WDR91: variants seen among roughly 807,000 people sequenced by gnomAD.
WDR91 encodes the protein WD repeat-containing protein 91.
In WDR91, 52 loss-of-function variants were observed where a neutral mutation model predicts 88.4. That is an observed-to-expected ratio of 0.59 (90% confidence interval 0.47 to 0.74). WDR91 has a LOEUF of 0.74. Ranked by LOEUF, WDR91 falls within the 30% of genes least tolerant of loss-of-function variation. The pLI is 0.00. For synonymous variants in WDR91, 362 were observed against 389.5 expected (o/e 0.93, Z 0.83); for missense variants, 824 against 954.5 (o/e 0.86, Z 1.80).
At chr7:135,207,069 C>T in intron 4 of WDR91, 51 bp downstream of exon 4, 1 of 1,519,700 alleles carries the variant, frequency 6.6e-7, no homozygotes, top group Non-Finnish European at 9.0e-7. Flanking sequence ...CCTAATTTCA[C>T]ACACAAAAAG....
At position 135,207,496 on chromosome 7, in the gene WDR91, AG is replaced by A; in HGVS notation, c.512-295del. 4 of 426,264 alleles carry A rather than the reference AG, an allele frequency of 9.4e-6. 1 individual carries two copies. Among genetic ancestry groups the A allele is most frequent in the South Asian group, 6.8e-5 (4 of 59,080 alleles). 26.4% of individuals were successfully genotyped at this position (426,264 alleles called of 1,614,324 possible). A position where few individuals can be genotyped will look rare whatever the true frequency, so the allele number is the denominator to read the frequency against. ...ACCTAAGCATTTTCTCTCAAATACC[AG>A]AAGCAAAGAGCTAGCATCCAGTGGA... On this transcript the variant is annotated intron_variant, in intron 3 of 14. Transcript: ENST00000354475.
chr7:135,189,250 T>A (rs1831072063), intron 12 of WDR91, 94 bp downstream of exon 12: 1 of 1,091,834 alleles, frequency 9.2e-7, no homozygotes, highest in Admixed American at 2.0e-5. Context: ...TGCAAAAGCC[T>A]CTAGCCCAGC....
chr7:135,190,191 G>A (rs1831109991), intron 11 of WDR91, among the ~76,000 whole-genome samples: 2 of 152,154 alleles, frequency 1.3e-5, no homozygotes, highest in Non-Finnish European at 2.9e-5. Context: ...GAGCTCAGGA[G>A]CCTGGAGACA....
rs1830861482 is a variant in WDR91 at position 135,184,395 on chromosome 7, T to A, written c.*1756A>T. 6.6e-6 allele frequency: 1 copy of A among 152,164 alleles called. No homozygotes were observed. Among genetic ancestry groups the A allele is most frequent in the Non-Finnish European group, 1.5e-5 (1 of 68,024 alleles). The allele number at this position is 152,164 out of a possible 1,614,324, so 9.4% of individuals were successfully genotyped here. A position where few individuals can be genotyped will look rare whatever the true frequency, so the allele number is the denominator to read the frequency against. Reference sequence around the variant, plus strand: ...TGGGCTGGAGCTCAGAGACTTAAAATGACTCATGGCAGCTGCCTTCCCCAG... The same window carrying A: ...TGGGCTGGAGCTCAGAGACTTAAAAAGACTCATGGCAGCTGCCTTCCCCAG... On this transcript the variant is annotated 3_prime_UTR_variant, in exon 15 of 15. Transcript: ENST00000354475.
rs112235885 is a variant in WDR91, at chr7:135,187,066, T to C, written c.1985A>G (p.Lys662Arg). ...PFVLSGYSGYKQVQVPRGRLF... is the reference protein window; with the variant it reads ...PFVLSGYSGYRQVQVPRGRLF... ...TCGGCCCCTGGGGACTTGAACCTGC[T>C]TGTAGCCGCTGTATCCAGACAGCAC... Residue 662 changes from lysine (K) to arginine (R), a missense_variant, in exon 14 of 15, where the codon AAG becomes AGG. Coordinates refer to ENST00000354475, the MANE Select transcript of WDR91 (RefSeq NM_014149.4). 1 of 1,614,264 alleles carries C rather than the reference T, an allele frequency of 6.2e-7. No homozygotes were observed. The highest frequency in any genetic ancestry group is 8.5e-7 in the Non-Finnish European group (1 of 1,180,050).
chr7:135,205,981 T>C lies in WDR91; in HGVS notation c.672A>G (p.Gln224=), dbSNP rs751982817. The C allele has an allele frequency of 6.6e-5, 106 of 1,614,068 alleles. No homozygotes were observed. Among genetic ancestry groups the C allele is most frequent in the Non-Finnish European group, 8.7e-5 (103 of 1,180,046 alleles). The part of the protein sequence containing the change: ...QQPEEEEALV[Q]HKLPPYVSNM... ...TGGAGACATAAGGAGGCAATTTGTG[T>C]TGGACCAAGGCCTCTTCCTCTTCTG... Residue 224 remains glutamine, a synonymous_variant, in exon 5 of 15, where the codon CAA becomes CAG. Transcript: ENST00000354475.
intron 3 of WDR91, among the ~76,000 whole-genome samples, chr7:135,208,590 C>T (rs1831893120): frequency 6.6e-6 from 1 of 152,192 alleles, no homozygotes; most frequent in Non-Finnish European, 1.5e-5. Flanking sequence ...TTCAGCAGCA[C>T]AGTGTCAGAA....
Position 135,189,424 on chromosome 7 carries a change from A to G in WDR91, c.1688T>C (p.Ile563Thr). The change falls in exon 12 of 15, where the codon ATT (isoleucine) becomes ACT (threonine). Residue 563 changes from isoleucine (I) to threonine (T), a missense_variant. Physicochemically the swap from Ile to Thr is moderately conservative, Grantham distance 89. Coordinates refer to ENST00000354475, the MANE Select transcript of WDR91 (RefSeq NM_014149.4). Reference protein sequence around the residue: ...QLQFSLDPEPIAINCTAFNHN... With the variant: ...QLQFSLDPEPTAINCTAFNHN... ...ATTGAAGGCTGTACAGTTGATAGCA[A>G]TGGGTTCTGGATCCAGGGAGAACTG... 2 of 1,613,948 alleles carry G rather than the reference A, an allele frequency of 1.2e-6. No homozygotes were observed. The highest frequency in any genetic ancestry group is 1.1e-5 in the South Asian group (1 of 91,060).
intron 6 of WDR91, chr7:135,199,231 A>G (rs986244590): frequency 6.6e-6 from 1 of 152,222 alleles, no homozygotes; most frequent in Non-Finnish European, 1.5e-5. Context: ...AGAAAATTTT[A>G]AAGGACTATT....
At position 135,193,250 on chromosome 7, in the gene WDR91, G is replaced by A. The variant is rs139497978; in HGVS notation, c.1640C>T (p.Thr547Met). Residue 547 changes from threonine (T) to methionine (M), a missense_variant, in exon 11 of 15, where the codon ACG (threonine) becomes ATG (methionine). By Grantham distance (81) the Thr-to-Met change is moderately conservative (BLOSUM62 -1). Coordinates refer to ENST00000354475, the MANE Select transcript of WDR91 (RefSeq NM_014149.4). ...QVPGRLLLWD[T>M]KTMKQQLQFS... is the part of the protein sequence containing the mutation. ...CCGTACCTGCTGCTTCATGGTTTTC[G>A]TGTCCCACAGCAGCAGCCTGCCAGG... 9.0e-5 allele frequency: 145 copies of A among 1,613,924 alleles called. No individual in the cohort carries two copies. Among genetic ancestry groups the A allele is most frequent in the Non-Finnish European group, 1.1e-4 (129 of 1,180,046 alleles).
chr7:135,189,393 G>A lies in WDR91; in HGVS notation c.1719C>T (p.Asn573=), dbSNP rs766081181. Residue 573 remains asparagine (N), a synonymous_variant, in exon 12 of 15, where the codon AAC becomes AAT. Coordinates refer to ENST00000354475, the MANE Select transcript of WDR91 (RefSeq NM_014149.4). The part of the protein sequence containing the change: ...IAINCTAFNH[N]GNLLVTGAAD... ...CTGCCCCTGTGACCAGCAGGTTCCC[G>A]TTGTGATTGAAGGCTGTACAGTTGA... 6.2e-6 allele frequency: 10 copies of A among 1,613,878 alleles called. No individual in the cohort carries two copies. The highest frequency in any genetic ancestry group is 4.5e-5 in the East Asian group (2 of 44,902).
At position 135,196,259 on chromosome 7, in the gene WDR91, G is replaced by A. The variant is rs1414973502; in HGVS notation, c.1129C>T (p.Leu377=). ...GGGCCTGCCGAGGATGCCCGAGTCA[G>A]TGGCTCCACTGGCTCCGTGTGGAGC... The part of the protein sequence containing the change: ...PELHTEPVEP[L]TRASSAGPEG... Residue 377 remains leucine, a synonymous_variant, in exon 8 of 15, where the codon CTG becomes TTG. Transcript: ENST00000354475. This position sits in a 1 kb window ranked among gnomAD's most constrained non-coding sequence, Gnocchi z 4.2. 9 of 1,611,938 alleles carry A rather than the reference G, an allele frequency of 5.6e-6. No individual in the cohort carries two copies. Among genetic ancestry groups the A allele is most frequent in the African/African-American group, 1.3e-5 (1 of 74,752 alleles).
Position 135,196,494 on chromosome 7 carries a change from G to C in WDR91, c.1051-157C>G, listed in dbSNP as rs1831379847. Reference sequence around the variant, plus strand: ...CTCTGACCTGCGAGGGTAGTGCTCAGCTCACCCTGGGAGAGTGCAGGGCCT... The same window carrying C: ...CTCTGACCTGCGAGGGTAGTGCTCACCTCACCCTGGGAGAGTGCAGGGCCT... On this transcript the variant is annotated intron_variant, in intron 7 of 14. Coordinates refer to ENST00000354475, the MANE Select transcript of WDR91 (RefSeq NM_014149.4). This position sits in a 1 kb window ranked among gnomAD's most constrained non-coding sequence, Gnocchi z 4.2. Among the ~76,000 whole-genome samples, 1 of 152,138 alleles carries C rather than the reference G, an allele frequency of 6.6e-6. No individual in the cohort carries two copies. The highest frequency in any genetic ancestry group is 2.4e-5 in the African/African-American group (1 of 41,436).
At position 135,207,208 on chromosome 7, in the gene WDR91, C is replaced by A. The variant is rs754672994; in HGVS notation, c.512-6G>T. On this transcript the variant is annotated splice_region_variant and splice_polypyrimidine_tract_variant and intron_variant, in intron 3 of 14. Transcript: ENST00000354475. Reference sequence around the variant, plus strand: ...GTTCAGGATCACAGGGACTGGTGCACGAAGTTAAAGAATAAGCCAGCCCCT... The same window carrying A: ...GTTCAGGATCACAGGGACTGGTGCAAGAAGTTAAAGAATAAGCCAGCCCCT... 1 of 1,602,626 alleles carries A rather than the reference C, an allele frequency of 6.2e-7. No individual in the cohort carries two copies.
chr7:135,210,607 G>A (rs1283982535), intron 1 of WDR91, among the ~76,000 whole-genome samples: 1 of 152,184 alleles, frequency 6.6e-6, no homozygotes, highest in African/African-American at 2.4e-5. Context: ...TCTGGAAAAG[G>A]GTTTGGATAT....
intron 6 of WDR91, chr7:135,200,037 C>T (rs1184297949): frequency 1.3e-5 from 2 of 152,248 alleles, no homozygotes; most frequent in Admixed American, 1.3e-4. Flanking sequence ...TACGCCAAGA[C>T]AGTGATGGAC....
intron 8 of WDR91, 151 bp from the exon 9 acceptor site, chr7:135,195,235 T>G: frequency 1.2e-6 from 1 of 804,656 alleles, no homozygotes; most frequent in Non-Finnish European, 1.9e-6. Context: ...ATAGACTATT[T>G]CTAGAAATAT....
At chr7:135,186,569 G>A (rs1830950486) in intron 14 of WDR91, among the ~76,000 whole-genome samples, 1 of 152,376 alleles carries the variant, frequency 6.6e-6, no homozygotes, top group East Asian at 1.9e-4. Context: ...TGAACTTGCT[G>A]TGGGCTGGTG....
chr7:135,211,312 TG>T, intron 1 of WDR91, 67 bp downstream of exon 1: 3 of 1,547,144 alleles, frequency 1.9e-6, no homozygotes, highest in Non-Finnish European at 1.7e-6. Context: ...GAGGCAGTGC[TG>T]GGGGGAAGCC....
Sources: gnomAD v4.1 joint callset for allele counts (sites outside exome capture counted in the v4.1 genomes callset) on GRCh38, gnomAD v4.1.1 for gene constraint, Gnocchi (gnomAD v3.1) non-coding constraint, MANE v1.5 for transcripts, NCBI Gene and HGNC (gene_info 2026-07-23, HGNC 2026-07-21) for gene names.